TNC: variants seen among roughly 807,000 people sequenced by gnomAD.
TNC encodes the protein tenascin.
A neutral mutation model predicts 202.4 loss-of-function variants in TNC; 109 were observed. That is an observed-to-expected ratio of 0.54 (90% CI 0.46 to 0.63). The LOEUF (loss-of-function observed/expected upper bound fraction) is 0.63, where lower values mean the gene tolerates loss of function less well. TNC is among the 30% of genes least tolerant of loss of function. The pLI, the probability that TNC is intolerant of heterozygous loss-of-function variation, is 0.00. For missense variants in TNC, 2,756 were observed against 2,833.3 expected (o/e 0.97, Z 0.62); for synonymous variants, 1,007 against 1,089.7 (o/e 0.92, Z 1.50).
intron 10 of TNC, among the ~76,000 whole-genome samples, chr9:115,073,055 G>C (rs993088289): frequency 2.6e-5 from 4 of 152,118 alleles, no homozygotes; most frequent in African/African-American, 4.8e-5. Flanking sequence ...TAATGACTAA[G>C]AGAAAAGAGA....
chr9:115,081,815 T>G lies in TNC; in HGVS notation c.2361A>C (p.Lys787Asn). 9 of 1,613,626 alleles carry G rather than the reference T, an allele frequency of 5.6e-6. No homozygotes were observed. Among genetic ancestry groups the G allele is most frequent in the Non-Finnish European group, 7.6e-6 (9 of 1,179,866 alleles). ...QEYEISLHIVKNNTRGPGLKR... is the reference protein window; with the variant it reads ...QEYEISLHIVNNNTRGPGLKR... ...TCAGGCCAGGGCCCCGGGTATTGTT[T>G]TTCACTATGTGCAGAGATATCTCAT... The change falls in exon 6 of 28, where the codon AAA (lysine) becomes AAC (asparagine). Residue 787 changes from lysine to asparagine, a missense_variant. Physicochemically the swap from Lys to Asn is moderately conservative, Grantham distance 94 (BLOSUM62 0). Transcript: ENST00000350763.
chr9:115,042,234 C>T lies in TNC; in HGVS notation c.5233G>A (p.Val1745Met). 1 of 1,614,128 alleles carries T rather than the reference C, an allele frequency of 6.2e-7. No individual in the cohort carries two copies. Among genetic ancestry groups the T allele is most frequent in the Non-Finnish European group, 8.5e-7 (1 of 1,179,966 alleles). The change falls in exon 18 of 28, where the codon GTG becomes ATG. Residue 1745 changes from valine to methionine, a missense_variant. Physicochemically the swap from Val to Met is conservative, Grantham distance 21 (BLOSUM62 1). Coordinates refer to ENST00000350763, the MANE Select transcript of TNC (RefSeq NM_002160.4). ...AQVESFRITYVPITGGTPSMV... is the reference protein window; with the variant it reads ...AQVESFRITYMPITGGTPSMV... ...AGTCTCCTACCTCCTGTAATGGGCA[C>T]ATAGGTAATCCGGAAGCTCTCCACT...
intron 2 of TNC, among the ~76,000 whole-genome samples, chr9:115,089,589 C>G (rs1835059084): frequency 6.6e-6 from 1 of 152,016 alleles, no homozygotes; most frequent in Non-Finnish European, 1.5e-5. Context: ...CAACCTCTGC[C>G]CCTCGGTTTC....
intron 2 of TNC, among the ~76,000 whole-genome samples, chr9:115,089,411 A>G (rs1196846455): frequency 6.6e-6 from 1 of 152,210 alleles, no homozygotes; most frequent in African/African-American, 2.4e-5. Context: ...AATAGGATGC[A>G]TGTGGAAACA....
intron 26 of TNC, 71 bp from the exon 27 acceptor site, chr9:115,024,207 A>G (rs1587981970): frequency 6.6e-7 from 1 of 1,516,660 alleles, no homozygotes; most frequent in East Asian, 2.3e-5. Context: ...TAAAGGGCAG[A>G]ACCAGAGGTG....
intron 1 of TNC, among the ~76,000 whole-genome samples, chr9:115,097,361 G>A (rs1033326272): frequency 6.6e-6 from 1 of 152,128 alleles, no homozygotes; most frequent in African/African-American, 2.4e-5. Context: ...CTTAATATGT[G>A]GTAGCTAATG....
rs1303073038 is a variant in TNC, at chr9:115,091,257, G to A, written c.-136-103C>T. 7.8e-6 allele frequency: 4 copies of A among 512,618 alleles called. No individual in the cohort carries two copies. In the East Asian group the frequency reaches 1.3e-4, roughly 17 times the overall value. 31.8% of individuals were successfully genotyped at this position (512,618 alleles called of 1,614,324 possible). On this transcript the variant is annotated intron_variant, in intron 1 of 27. Transcript: ENST00000350763. ...TTGATTTTATATCCCTGTATTTGAAGCTCTCCTGATAATTTTTCATTATAT... is the reference window on the plus strand; with the variant it reads ...TTGATTTTATATCCCTGTATTTGAAACTCTCCTGATAATTTTTCATTATAT...
intron 17 of TNC, among the ~76,000 whole-genome samples, chr9:115,045,118 T>C (rs1232340780): frequency 6.6e-6 from 1 of 152,142 alleles, no homozygotes; most frequent in Admixed American, 6.5e-5. Context: ...CCTCAGAGTC[T>C]TCATGCACAA....
intron 1 of TNC, among the ~76,000 whole-genome samples, chr9:115,114,845 G>A (rs1415453931): frequency 1.3e-5 from 2 of 152,136 alleles, no homozygotes; most frequent in Non-Finnish European, 2.9e-5. Context: ...TTAAAATTGA[G>A]CTAGTAATTT....
At chr9:115,059,670 A>G in intron 14 of TNC, 60 bp downstream of exon 14, 1 of 1,497,460 alleles carries the variant, frequency 6.7e-7, no homozygotes, top group Non-Finnish European at 9.0e-7. Flanking sequence ...TCCGCGCATG[A>G]TCTCTTGAAA....
chr9:115,111,108 C>G (rs1251922963), intron 1 of TNC, among the ~76,000 whole-genome samples: 1 of 151,998 alleles, frequency 6.6e-6, no homozygotes, highest in Non-Finnish European at 1.5e-5. Flanking sequence ...TTTTATTACT[C>G]ATCAGTGAGG....
At chr9:115,031,772 T>G in intron 22 of TNC, 87 bp from the exon 23 acceptor site, 1 of 1,519,322 alleles carries the variant, frequency 6.6e-7, no homozygotes, top group East Asian at 2.4e-5. Flanking sequence ...ATAAGTTCAT[T>G]TACCCATCCA....
chr9:115,021,139 C>G lies in TNC; in HGVS notation c.*18G>C. On this transcript the variant is annotated 3_prime_UTR_variant, in exon 28 of 28. Coordinates refer to ENST00000350763, the MANE Select transcript of TNC (RefSeq NM_002160.4). ...CGCTCTGGGCCTTATTCCTCTCTCA[C>G]CCAGTGGTCCCTGGAATTTATGCCC... 6.3e-7 allele frequency: 1 copy of G among 1,595,402 alleles called. No homozygotes were observed.
At chr9:115,039,998 T>C (rs1371524880) in intron 19 of TNC, among the ~76,000 whole-genome samples, 6 of 152,242 alleles carry the variant, frequency 3.9e-5, no homozygotes, top group Non-Finnish European at 8.8e-5. Context: ...ATTCTTTGTA[T>C]CCCTTAATGA....
At chr9:115,075,912 A>C in intron 9 of TNC, 120 bp downstream of exon 9, 1 of 802,666 alleles carries the variant, frequency 1.2e-6, no homozygotes, top group East Asian at 2.4e-5. Flanking sequence ...AGATGGTACT[A>C]CAGGGCCCTT....
chr9:115,107,870 C>A (rs1422344730), intron 1 of TNC, among the ~76,000 whole-genome samples: 1 of 152,180 alleles, frequency 6.6e-6, no homozygotes, highest in Non-Finnish European at 1.5e-5. Context: ...CACATGTAAG[C>A]ACCAAAATAT....
rs190789739 is a variant in TNC, at chr9:115,083,310, C to T, written c.2132-503G>A. Among the ~76,000 whole-genome samples the T allele has an allele frequency of 2.4e-3, 359 of 152,272 alleles. 3 individuals are homozygous for T. The highest frequency in any genetic ancestry group is 8.4e-3 in the African/African-American group (348 of 41,558). The stretch of plus-strand genomic sequence containing the variant: ...TTATTAAGGAAAAAAGGGTCAATTT[C>T]TAGCCAGAGCTTGCTTTTTAGATAT... On this transcript the variant is annotated intron_variant, in intron 4 of 27. Coordinates refer to ENST00000350763, the MANE Select transcript of TNC (RefSeq NM_002160.4).
intron 1 of TNC, among the ~76,000 whole-genome samples, chr9:115,092,527 G>A (rs1180555737): frequency 1.3e-5 from 2 of 152,124 alleles, no homozygotes; most frequent in African/African-American, 2.4e-5. Flanking sequence ...TCTTTAATTA[G>A]GAGATGCACC....
Position 115,086,190 on chromosome 9 carries a change from C to G in TNC, c.1541G>C (p.Gly514Ala). 6.2e-7 allele frequency: 1 copy of G among 1,614,216 alleles called. No homozygotes were observed. Among genetic ancestry groups the G allele is most frequent in the Non-Finnish European group, 8.5e-7 (1 of 1,180,036 alleles). ...DCSNRGLCVD[G>A]QCVCEDGFTG... ...GAAGCCGTCCTCACAGACGCACTGT[C>G]CGTCCACACAGAGGCCCCTGTTGCT... is the stretch of plus-strand genomic sequence containing the variant. Residue 514 changes from glycine (G) to alanine (A), a missense_variant, in exon 3 of 28, where the codon GGA becomes GCA. This residue lies in a region of TNC where 2,559 missense variants were observed against 2,546.0 expected (regional missense o/e 1.01). Coordinates refer to ENST00000350763, the MANE Select transcript of TNC (RefSeq NM_002160.4).
Sources: allele counts gnomAD v4.1 joint callset (sites outside exome capture counted in the v4.1 genomes callset), GRCh38; gene constraint gnomAD v4.1.1; regional missense constraint gnomAD v4.1.1; transcripts MANE v1.5; gene names NCBI Gene and HGNC (gene_info 2026-07-23, HGNC 2026-07-21).